PIWIL2: variants seen among roughly 807,000 people sequenced by gnomAD.
The protein encoded by PIWIL2 is piwi like RNA-mediated gene silencing 2.
Under a neutral mutation model 116.5 loss-of-function variants are expected in PIWIL2, and 81 were observed. The observed-to-expected ratio is 0.70, with a 90% CI of 0.58 to 0.84. The LOEUF is 0.84. Ranked by LOEUF, PIWIL2 falls within the 40% of genes least tolerant of loss-of-function variation. The pLI is 0.00. For synonymous variants in PIWIL2, 489 were observed against 429.5 expected (o/e 1.14, Z -1.71); for missense variants, 1,272 against 1,212.3 (o/e 1.05, Z -0.73).
intron 7 of PIWIL2, 52 bp downstream of exon 7, chr8:22,287,697 C>A: frequency 8.5e-7 from 1 of 1,180,840 alleles, no homozygotes; most frequent in Non-Finnish European, 1.3e-6. Flanking sequence ...AGTGCTCTGG[C>A]GTTTTTTGTT....
At chr8:22,350,825 C>T (rs966040806) in intron 20 of PIWIL2, among the ~76,000 whole-genome samples, 3 of 151,984 alleles carry the variant, frequency 2.0e-5, no homozygotes, top group African/African-American at 7.3e-5. Flanking sequence ...CATAGTGAGA[C>T]CCTGTCTCTA....
chr8:22,281,854 C>T (rs1004227902), intron 4 of PIWIL2, among the ~76,000 whole-genome samples: 4 of 150,720 alleles, frequency 2.7e-5, no homozygotes, highest in Non-Finnish European at 5.9e-5. Flanking sequence ...TCACTGCAAC[C>T]TCCGCCTCCC....
chr8:22,282,244 C>CTT lies in PIWIL2; in HGVS notation c.425+755_425+756dup, dbSNP rs34130038. On this transcript the variant is annotated intron_variant, in intron 4 of 22. Transcript: ENST00000356766. ...TACAGGTGTGCGCCACCACACCCGGCTTTTTTTTTTTTTTTTTTTTTTTTT... is the reference window on the plus strand; with the variant it reads ...TACAGGTGTGCGCCACCACACCCGGCTTTTTTTTTTTTTTTTTTTTTTTTTTT... Among the ~76,000 whole-genome samples, 175 of 33,612 alleles carry CTT rather than the reference C, an allele frequency of 5.2e-3. 44 individuals are homozygous for CTT. The highest frequency in any genetic ancestry group is 6.2e-3 in the Non-Finnish European group (115 of 18,548). 22.1% of individuals were successfully genotyped at this position (33,612 alleles called of 152,430 possible). A position where few individuals can be genotyped will look rare whatever the true frequency, so the allele number is the denominator to read the frequency against.
Position 22,279,534 on chromosome 8 carries a change from G to C in PIWIL2, c.148G>C (p.Val50Leu). 1 of 1,614,220 alleles carries C rather than the reference G, an allele frequency of 6.2e-7. No individual in the cohort carries two copies. Among genetic ancestry groups the C allele is most frequent in the Non-Finnish European group, 8.5e-7 (1 of 1,180,042 alleles). Residue 50 changes from valine (V) to leucine (L), a missense_variant, in exon 2 of 23, where the codon GTA becomes CTA. Transcript: ENST00000356766. ...GRGAPAGRGHVFGKPEEPSTQ... is the reference protein window; with the variant it reads ...GRGAPAGRGHLFGKPEEPSTQ... ...GGGAGCACCTGCAGGCAGAGGCCAT[G>C]TATTTGGAAAGCCAGAGGAACCAAG...
At chr8:22,327,368 C>T (rs7834063) in intron 20 of PIWIL2, among the ~76,000 whole-genome samples, 70,685 of 139,700 alleles carry the variant, frequency 0.51, 19,234 homozygotes, top group East Asian at 0.82. Flanking sequence ...TTTTTTGTTT[C>T]GTTTTTTTTT....
rs566488045 is a variant in PIWIL2 at position 22,311,020 on chromosome 8, G to C, written c.1801-92G>C. The C allele has an allele frequency of 2.1e-5, 23 of 1,114,256 alleles. No homozygotes were observed. The African/African-American group carries it at 3.6e-4, about 17-fold the overall frequency. The allele number at this position is 1,114,256 out of a possible 1,614,324, so 69.0% of individuals were successfully genotyped here. On this transcript the variant is annotated intron_variant, in intron 15 of 22. Transcript: ENST00000356766. ...AAGACAGGATTCAAGCAATGAGAGT[G>C]AAAAGTAATTTATTCTCTAGAATGA... is the stretch of plus-strand genomic sequence containing the variant.
At position 22,279,579 on chromosome 8, in the gene PIWIL2, C is replaced by T. The variant is rs749585450; in HGVS notation, c.193C>T (p.Gln65Ter). The T allele has an allele frequency of 6.2e-7, 1 of 1,613,998 alleles. No individual in the cohort carries two copies. Among genetic ancestry groups the T allele is most frequent in the Non-Finnish European group, 8.5e-7 (1 of 1,179,876 alleles). Reference protein sequence around the residue: ...EEPSTQRGPAQRESVGLVSMF... With the variant: ...EEPSTQRGPA ...ACCAAGCACACAGAGGGGGCCAGCA[C>T]AAAGGGTAAGACCACTTCCGGATGC... is the stretch of plus-strand genomic sequence containing the variant. The change falls in exon 2 of 23, where the codon CAA becomes TAA. Residue 65 changes from glutamine to a stop codon, truncating the protein, a stop_gained. Transcript: ENST00000356766. LOFTEE classifies it high-confidence loss of function.
In PIWIL2 at chr8:22,310,051, A is replaced by C; in HGVS notation, c.1777A>C (p.Thr593Pro). 1 of 1,594,388 alleles carries C rather than the reference A, an allele frequency of 6.3e-7. No homozygotes were observed. The highest frequency in any genetic ancestry group is 8.6e-7 in the Non-Finnish European group (1 of 1,162,076). Residue 593 changes from threonine (T) to proline (P), a missense_variant, in exon 15 of 23, where the codon ACC becomes CCC. Thr to Pro is a conservative substitution (Grantham distance 38). Transcript: ENST00000356766. The part of the protein sequence containing the change: ...SQELNWVKEV[T>P]RDPSILTIPM... ...GGAACTAAACTGGGTTAAGGAAGTAACCAGAGACCCTTCCATCTTGACTGT... is the reference window on the plus strand; with the variant it reads ...GGAACTAAACTGGGTTAAGGAAGTACCCAGAGACCCTTCCATCTTGACTGT...
intron 19 of PIWIL2, among the ~76,000 whole-genome samples, chr8:22,317,861 C>T (rs1395400350): frequency 1.3e-5 from 2 of 151,938 alleles, no homozygotes; most frequent in African/African-American, 4.8e-5. Flanking sequence ...CGGGGTTTCA[C>T]CGTGTTAGCC....
Position 22,283,054 on chromosome 8 carries a change from C to G in PIWIL2, c.446C>G (p.Ser149Ter), listed in dbSNP as rs1586533291. The change falls in exon 5 of 23, where the codon TCA (serine) becomes TGA (stop). Residue 149 changes from serine to a stop codon, truncating the protein, a stop_gained. Transcript: ENST00000356766. LOFTEE classifies it high-confidence loss of function. The stretch of plus-strand genomic sequence containing the variant: ...TTCAGGACGCTTGGAAGAGGGAGTT[C>G]AGATGCGTCTTTATTACCACTGGGA... The part of the protein sequence containing the change: ...GWSRTLGRGS[S>*]DASLLPLGRA... 1 of 1,614,092 alleles carries G rather than the reference C, an allele frequency of 6.2e-7. No individual in the cohort carries two copies. Among genetic ancestry groups the G allele is most frequent in the Non-Finnish European group, 8.5e-7 (1 of 1,179,936 alleles).
At chr8:22,308,557 G>A (rs1172381106) in intron 14 of PIWIL2, among the ~76,000 whole-genome samples, 1 of 152,142 alleles carries the variant, frequency 6.6e-6, no homozygotes, top group Admixed American at 6.5e-5. Flanking sequence ...GGAGGCTGAG[G>A]TAGGAGAATC....
chr8:22,308,217 A>G, intron 14 of PIWIL2, 144 bp downstream of exon 14: 2 of 607,200 alleles, frequency 3.3e-6, no homozygotes, highest in Non-Finnish European at 5.4e-6. Flanking sequence ...TTTTTTTGAG[A>G]CAGAGTCTTA....
chr8:22,281,380 GA>G lies in PIWIL2; in HGVS notation c.291del (p.Gly98AlafsTer3). 1 of 1,609,328 alleles carries G rather than the reference GA, an allele frequency of 6.2e-7. No homozygotes were observed. Among genetic ancestry groups the G allele is most frequent in the Admixed American group, 1.7e-5 (1 of 58,288 alleles). On this transcript the variant is annotated frameshift_variant, in exon 4 of 23. Transcript: ENST00000356766. LOFTEE classifies it high-confidence loss of function. The stretch of plus-strand genomic sequence containing the variant: ...GGGGTTCGGTTCTTTCTTTCAGGTA[GA>G]GGCATTTTAGGTCGAGGCTTGTCTG... ...PLKREMLPSG[R>X]GILGRGLSAN...
intron 13 of PIWIL2, 132 bp from the exon 14 acceptor site, chr8:22,307,801 G>A: frequency 1.5e-6 from 1 of 645,858 alleles, no homozygotes; most frequent in Non-Finnish European, 2.7e-6. Context: ...TATTTAATAA[G>A]TCCTTGAAGA....
chr8:22,308,282 A>G (rs1831238628), intron 14 of PIWIL2, among the ~76,000 whole-genome samples: 5 of 150,436 alleles, frequency 3.3e-5, no homozygotes, highest in Admixed American at 6.6e-5. Flanking sequence ...AAGTATTTCT[A>G]ATGGCTGCCT....
At chr8:22,351,767 G>A (rs1202548573) in intron 20 of PIWIL2, among the ~76,000 whole-genome samples, 1 of 151,496 alleles carries the variant, frequency 6.6e-6, no homozygotes, top group Non-Finnish European at 1.5e-5. Context: ...TTGAACTTCT[G>A]ACCTCAGGTG....
At chr8:22,314,249 A>C in intron 16 of PIWIL2, 79 bp from the exon 17 acceptor site, 1 of 643,582 alleles carries the variant, frequency 1.6e-6, no homozygotes, top group East Asian at 2.9e-5. Flanking sequence ...TTGCATACTC[A>C]GAATACTGCC....
intron 15 of PIWIL2, 82 bp downstream of exon 15, chr8:22,310,156 T>G (rs569332938): frequency 8.2e-6 from 6 of 733,744 alleles, no homozygotes; most frequent in Non-Finnish European, 9.4e-6. Context: ...ATCTAGAGTC[T>G]TCTTTTTTGA....
chr8:22,284,385 A>G (rs2131987405), intron 6 of PIWIL2, 113 bp downstream of exon 6: 1 of 557,996 alleles, frequency 1.8e-6, no homozygotes, highest in Non-Finnish European at 3.1e-6. Flanking sequence ...GTCTCAATGC[A>G]ATAATGTGTT....
Sources: gnomAD v4.1 joint callset for allele counts (sites outside exome capture counted in the v4.1 genomes callset) on GRCh38, gnomAD v4.1.1 for gene constraint, MANE v1.5 for transcripts, NCBI Gene and HGNC (gene_info 2026-07-23, HGNC 2026-07-21) for gene names.